CHD7: variants seen among roughly 807,000 people sequenced by gnomAD.
The protein encoded by CHD7 is chromodomain helicase DNA binding protein 7, also known as ATP-dependent chromatin remodeler CHD7.
Under a neutral mutation model 307.3 loss-of-function variants are expected in CHD7, and 24 were observed. That is an observed-to-expected ratio of 0.08 (90% confidence interval 0.06 to 0.11). CHD7 has a LOEUF of 0.11. CHD7 is among the 10% of genes least tolerant of loss of function. The pLI is 1.00. For missense variants in CHD7, 3,106 were observed against 3,727.1 expected (o/e 0.83, Z 4.34); for synonymous variants, 1,363 against 1,349.9 (o/e 1.01, Z -0.21).
At chr8:60,771,523 G>A (rs1012340719) in intron 2 of CHD7, among the ~76,000 whole-genome samples, 1 of 152,176 alleles carries the variant, frequency 6.6e-6, no homozygotes, top group African/African-American at 2.4e-5. Context: ...TACTCACTCT[G>A]TACCACAAAC....
At chr8:60,843,313 C>T (rs554369496) in intron 21 of CHD7, among the ~76,000 whole-genome samples, 3 of 152,338 alleles carry the variant, frequency 2.0e-5, no homozygotes, top group African/African-American at 2.4e-5. Context: ...AGCCCTGCCC[C>T]GCAAAAGCCC....
intron 32 of CHD7, 135 bp downstream of exon 32, chr8:60,854,658 T>C: frequency 4.3e-6 from 3 of 695,556 alleles, no homozygotes; most frequent in South Asian, 4.5e-5. Context: ...ATTTTTCTTA[T>C]ACTTTTAAAG....
chr8:60,719,666 C>T (rs1477041050), intron 1 of CHD7, among the ~76,000 whole-genome samples: 1 of 152,122 alleles, frequency 6.6e-6, no homozygotes, highest in Non-Finnish European at 1.5e-5. Flanking sequence ...CAGGGAGCTC[C>T]AGCACTGGGG....
intron 1 of CHD7, among the ~76,000 whole-genome samples, chr8:60,712,604 T>TA: frequency 6.6e-6 from 1 of 152,298 alleles, no homozygotes; most frequent in East Asian, 1.9e-4. Flanking sequence ...TATTTTAAAA[T>TA]ACTTCAAGTA....
chr8:60,680,016 G>A (rs1805514149), intron 1 of CHD7, among the ~76,000 whole-genome samples: 1 of 151,542 alleles, frequency 6.6e-6, no homozygotes. Context: ...GCGAGGAGGG[G>A]ACCCCACCTT....
At chr8:60,788,312 T>A (rs1039695831) in intron 3 of CHD7, among the ~76,000 whole-genome samples, 1 of 152,082 alleles carries the variant, frequency 6.6e-6, no homozygotes, top group African/African-American at 2.4e-5. Context: ...GAGACTTTTT[T>A]GTATTTTTTA....
In CHD7 at chr8:60,813,841, TTATAAA is replaced by T. The variant is rs1194364885; in HGVS notation, c.2499-2536_2499-2531del. Among the ~76,000 whole-genome samples, 5 of 151,384 alleles carry T rather than the reference TTATAAA, an allele frequency of 3.3e-5. No individual in the cohort carries two copies. The East Asian group carries it at 5.8e-4, about 18-fold the overall frequency. ...TTATAACTATAAATATTTATAAGTA[TTATAAA>T]TATAAATATTTACTACTTTGCACTG... is the stretch of plus-strand genomic sequence containing the variant. On this transcript the variant is annotated intron_variant, in intron 7 of 37. Transcript: ENST00000423902.
intron 7 of CHD7, among the ~76,000 whole-genome samples, chr8:60,809,310 T>C (rs1030955353): frequency 6.6e-6 from 1 of 152,234 alleles, no homozygotes; most frequent in Non-Finnish European, 1.5e-5. Context: ...AAATGTTAAC[T>C]GTCATCATTC....
At chr8:60,766,305 T>C (rs1265976183) in intron 2 of CHD7, among the ~76,000 whole-genome samples, 1 of 152,156 alleles carries the variant, frequency 6.6e-6, no homozygotes, top group African/African-American at 2.4e-5. Flanking sequence ...GGGGGAATTA[T>C]AGAAGTGTTA....
At chr8:60,801,645 G>C in intron 6 of CHD7, 52 bp downstream of exon 6, 1 of 1,151,112 alleles carries the variant, frequency 8.7e-7, no homozygotes, top group Non-Finnish European at 1.3e-6. Flanking sequence ...GACTCTTACA[G>C]GATTGTTGGC....
chr8:60,743,533 A>G (rs1318290518), intron 2 of CHD7, among the ~76,000 whole-genome samples: 2 of 152,094 alleles, frequency 1.3e-5, no homozygotes, highest in African/African-American at 2.4e-5. Context: ...TTATATTGTG[A>G]TATTTTTCTT....
intron 1 of CHD7, among the ~76,000 whole-genome samples, chr8:60,710,795 G>C (rs930089675): frequency 2.0e-5 from 3 of 152,210 alleles, no homozygotes; most frequent in Non-Finnish European, 4.4e-5. Flanking sequence ...ATGCATGGCT[G>C]TGATGGCCAG....
At chr8:60,724,328 A>G (rs35914442) in intron 1 of CHD7, among the ~76,000 whole-genome samples, 25,759 of 152,160 alleles carry the variant, frequency 0.17, 3,008 homozygotes, top group African/African-American at 0.33. Context: ...ATCAGCTCCT[A>G]CAGAGATACC....
chr8:60,697,565 T>C (rs2150500750), intron 1 of CHD7, among the ~76,000 whole-genome samples: 1 of 152,342 alleles, frequency 6.6e-6, no homozygotes, highest in South Asian at 2.1e-4. Flanking sequence ...AACTTCATTT[T>C]ATTACTGTAT....
intron 2 of CHD7, among the ~76,000 whole-genome samples, chr8:60,756,362 C>T (rs756271476): frequency 1.3e-5 from 2 of 152,114 alleles, no homozygotes; most frequent in African/African-American, 2.4e-5. Context: ...TAAGTCACTT[C>T]ATGATTTTTT....
chr8:60,715,457 TTACA>T (rs547479385), intron 1 of CHD7, among the ~76,000 whole-genome samples: 49 of 152,022 alleles, frequency 3.2e-4, no homozygotes, highest in African/African-American at 1.0e-3. Context: ...GTAGCTGGGA[TTACA>T]GGCACCTGCC....
intron 3 of CHD7, among the ~76,000 whole-genome samples, chr8:60,784,979 A>ATATCG (rs1811428711): frequency 6.6e-6 from 1 of 152,152 alleles, no homozygotes; most frequent in Admixed American, 6.6e-5. Flanking sequence ...CAGCTTTCAA[A>ATATCG]TATTCGTTGC....
intron 18 of CHD7, 40 bp downstream of exon 18, chr8:60,837,875 A>G (rs1804806638): frequency 6.4e-7 from 1 of 1,553,000 alleles, no homozygotes; most frequent in Admixed American, 1.9e-5. Flanking sequence ...TTATTCTGGC[A>G]CTTTCCTTTA....
chr8:60,810,680 C>T (rs1162381054), intron 7 of CHD7, among the ~76,000 whole-genome samples: 1 of 152,084 alleles, frequency 6.6e-6, no homozygotes, highest in Non-Finnish European at 1.5e-5. Flanking sequence ...ATTTCTGTGA[C>T]AAAGAAGCCT....
Sources: gnomAD v4.1 joint callset for allele counts (sites outside exome capture counted in the v4.1 genomes callset) on GRCh38, gnomAD v4.1.1 for gene constraint, MANE v1.5 for transcripts, NCBI Gene and HGNC (gene_info 2026-07-23, HGNC 2026-07-21) for gene names.